NCKAP5: variants seen among roughly 807,000 people sequenced by gnomAD.
NCKAP5 encodes nck-associated protein 5.
NCKAP5 carries 92 observed loss-of-function variants against 167.0 expected under a neutral mutation model. The observed-to-expected ratio is 0.55, with a 90% CI of 0.47 to 0.66. The LOEUF (loss-of-function observed/expected upper bound fraction) is 0.66, where lower values mean the gene tolerates loss of function less well. Ranked by LOEUF, NCKAP5 falls within the 30% of genes least tolerant of loss-of-function variation. The probability of loss-of-function intolerance (pLI) is 0.00; values close to 1 mark genes in which losing one functional copy is unlikely to be tolerated. For missense variants in NCKAP5, 2,378 were observed against 2,315.0 expected (o/e 1.03, Z -0.56); for synonymous variants, 891 against 877.4 (o/e 1.02, Z -0.27).
chr2:133,018,679 T>C (rs2078427059), intron 6 of NCKAP5, among the ~76,000 whole-genome samples: 1 of 152,176 alleles, frequency 6.6e-6, no homozygotes, highest in South Asian at 2.1e-4. Context: ...TATTTATCAT[T>C]TGTTTGGGGA....
At chr2:133,665,462 C>G in the NCKAP5 span, among the ~76,000 whole-genome samples, 1 of 152,184 alleles carries the variant, frequency 6.6e-6, no homozygotes, top group Non-Finnish European at 1.5e-5. Flanking sequence ...AGTCAGAACA[C>G]ACACATTTTA....
At chr2:133,526,700 G>C (rs200732189) in intron 2 of NCKAP5, among the ~76,000 whole-genome samples, 1 of 151,948 alleles carries the variant, frequency 6.6e-6, no homozygotes, top group Non-Finnish European at 1.5e-5. Context: ...ATCTCCCCCT[G>C]CACCACCACT....
intron 8 of NCKAP5, among the ~76,000 whole-genome samples, chr2:132,884,639 C>A (rs1482802853): frequency 1.3e-5 from 2 of 152,198 alleles, no homozygotes; most frequent in Non-Finnish European, 2.9e-5. Flanking sequence ...AATTCCAATT[C>A]TACAAAGTCA....
At chr2:133,423,901 T>C (rs2164326) in intron 3 of NCKAP5, among the ~76,000 whole-genome samples, 46,332 of 152,096 alleles carry the variant, frequency 0.3, 7,652 homozygotes, top group African/African-American at 0.42. Flanking sequence ...TTTTTGTTTG[T>C]TTGCATTTTG....
At chr2:132,977,857 T>C (rs1171586819) in intron 7 of NCKAP5, among the ~76,000 whole-genome samples, 1 of 152,190 alleles carries the variant, frequency 6.6e-6, no homozygotes, top group African/African-American at 2.4e-5. Context: ...AGTAATACTG[T>C]CCTGGTATAC....
chr2:132,824,677 G>A (rs1686999977), intron 11 of NCKAP5, among the ~76,000 whole-genome samples: 2 of 152,130 alleles, frequency 1.3e-5, no homozygotes, highest in African/African-American at 4.8e-5. Flanking sequence ...CTGTGGTTGG[G>A]TGGGGCCCTG....
Position 132,784,176 on chromosome 2 carries a change from G to C in NCKAP5, c.2635C>G (p.Pro879Ala). The C allele has an allele frequency of 6.5e-7, 1 of 1,538,508 alleles. No individual in the cohort carries two copies. Among genetic ancestry groups the C allele is most frequent in the Non-Finnish European group, 8.7e-7 (1 of 1,145,246 alleles). Reference sequence around the variant, plus strand: ...CACTGGACCCAGTCCCTCCTGCTGGGCATCCTGGAGCTGTGCGGAAGTTGG... The same window carrying C: ...CACTGGACCCAGTCCCTCCTGCTGGCCATCCTGGAGCTGTGCGGAAGTTGG... ...SAQLPHSSRM[P>A]SRRDWVQCPK... Residue 879 changes from proline to alanine, a missense_variant, in exon 14 of 20, where the codon CCC becomes GCC. Pro to Ala is a conservative substitution (Grantham distance 27, BLOSUM62 -1). This residue lies in a region of NCKAP5 where 4 missense variants were observed against 17.1 expected (regional missense o/e 0.23). Transcript: ENST00000409261.
intron 1 of NCKAP5, among the ~76,000 whole-genome samples, chr2:133,563,964 T>C (rs1688365146): frequency 6.6e-6 from 1 of 152,106 alleles, no homozygotes; most frequent in Non-Finnish European, 1.5e-5. Flanking sequence ...TGAAACCCTA[T>C]CTCTACTAAA....
intron 5 of NCKAP5, among the ~76,000 whole-genome samples, chr2:133,200,468 AT>A (rs1484916813): frequency 2.6e-5 from 4 of 152,176 alleles, no homozygotes; most frequent in Non-Finnish European, 5.9e-5. Flanking sequence ...CACAAAAAAA[AT>A]AATTCAAAAA....
chr2:133,651,547 CT>C, the NCKAP5 span, among the ~76,000 whole-genome samples: 2 of 152,128 alleles, frequency 1.3e-5, no homozygotes, highest in African/African-American at 4.8e-5. Flanking sequence ...GAAATAGAAC[CT>C]TTGCACACTG....
In NCKAP5 at chr2:133,036,197, G is replaced by T. The variant is rs555889967; in HGVS notation, c.342-41958C>A. On this transcript the variant is annotated intron_variant, in intron 6 of 19. Coordinates refer to ENST00000409261, the MANE Select transcript of NCKAP5 (RefSeq NM_207363.3). ...CCACAATAAAAATCTTCCCAGTAAA[G>T]AAGAACTTGGGACCCGATGGCTTCA... Among the ~76,000 whole-genome samples, 21 of 151,986 alleles carry T rather than the reference G, an allele frequency of 1.4e-4. No individual in the cohort carries two copies. The East Asian group carries it at 4.1e-3, about 29-fold the overall frequency.
intron 4 of NCKAP5, among the ~76,000 whole-genome samples, chr2:133,295,308 C>G (rs906370781): frequency 4.6e-5 from 7 of 152,030 alleles, no homozygotes; most frequent in Admixed American, 4.6e-4. Context: ...AGTAGATGCT[C>G]TAAGACAGAT....
chr2:133,156,292 C>T (rs749224512), intron 5 of NCKAP5, among the ~76,000 whole-genome samples: 1 of 152,140 alleles, frequency 6.6e-6, no homozygotes. Flanking sequence ...GGAACCCAGA[C>T]GCATAAGCTC....
intron 3 of NCKAP5, among the ~76,000 whole-genome samples, chr2:133,467,588 C>T (rs1187439402): frequency 1.3e-5 from 2 of 150,326 alleles, no homozygotes; most frequent in African/African-American, 2.5e-5. Flanking sequence ...AGGAATGGTA[C>T]CAGTTCCTCC....
chr2:133,300,378 A>C (rs1288369287), intron 4 of NCKAP5, among the ~76,000 whole-genome samples: 1 of 129,320 alleles, frequency 7.7e-6, no homozygotes, highest in Non-Finnish European at 1.6e-5. Context: ...AAAAATCCTC[A>C]ATAAAATACT....
At chr2:133,121,456 T>G (rs2082248039) in intron 6 of NCKAP5, among the ~76,000 whole-genome samples, 1 of 152,142 alleles carries the variant, frequency 6.6e-6, no homozygotes, top group African/African-American at 2.4e-5. Context: ...CAGATGGGAT[T>G]CTGGGTGGCC....
chr2:132,767,994 T>C (rs1450643276), intron 16 of NCKAP5, among the ~76,000 whole-genome samples: 1 of 152,194 alleles, frequency 6.6e-6, no homozygotes, highest in Non-Finnish European at 1.5e-5. Context: ...AGTCTGGCAG[T>C]AGGAACACTT....
chr2:132,965,724 ATATGGTACCTAGGTTAG>A (rs2076640108), intron 7 of NCKAP5, among the ~76,000 whole-genome samples: 1 of 152,182 alleles, frequency 6.6e-6, no homozygotes, highest in Admixed American at 6.5e-5. Context: ...CACCCAGGCT[ATATGGTACCTAGGTTAG>A]AATCCTATAT....
chr2:132,868,291 T>C (rs1045596227), intron 10 of NCKAP5, among the ~76,000 whole-genome samples: 3 of 152,100 alleles, frequency 2.0e-5, no homozygotes, highest in Non-Finnish European at 4.4e-5. Flanking sequence ...AATAGCCAAA[T>C]TTGGGCAAAA....
Sources: allele counts gnomAD v4.1 joint callset (sites outside exome capture counted in the v4.1 genomes callset), GRCh38; gene constraint gnomAD v4.1.1; regional missense constraint gnomAD v4.1.1; transcripts MANE v1.5; gene names NCBI Gene and HGNC (gene_info 2026-07-23, HGNC 2026-07-21).